Variants in MEF2C observed in about 807,000 individuals in gnomAD.
MEF2C encodes myocyte enhancer factor 2C.
In MEF2C, 6 loss-of-function variants were observed where a neutral mutation model predicts 50.5. The ratio of observed to expected loss-of-function variants is 0.12; its 90% CI spans 0.07 to 0.23. The LOEUF (loss-of-function observed/expected upper bound fraction) is 0.23, where lower values mean the gene tolerates loss of function less well. Ranked by LOEUF, MEF2C falls within the 10% of genes least tolerant of loss-of-function variation. The pLI, the probability that MEF2C is intolerant of heterozygous loss-of-function variation, is 1.00. For synonymous variants in MEF2C, 183 were observed against 228.0 expected (o/e 0.80, Z 1.78); for missense variants, 276 against 605.0 (o/e 0.46, Z 5.70).
chr5:88,829,993 T>C (rs544665391), intron 1 of MEF2C, among the ~76,000 whole-genome samples: 1 of 152,168 alleles, frequency 6.6e-6, no homozygotes, highest in Non-Finnish European at 1.5e-5. Flanking sequence ...TCCTATCATA[T>C]AGTAATGCTA....
intron 1 of MEF2C, among the ~76,000 whole-genome samples, chr5:88,852,210 C>A (rs1821615659): frequency 6.6e-6 from 1 of 152,098 alleles, no homozygotes; most frequent in South Asian, 2.1e-4. Flanking sequence ...AAAAACACAT[C>A]CTTTAACTAA....
At chr5:88,797,330 T>C (rs1796401035) in intron 3 of MEF2C, among the ~76,000 whole-genome samples, 1 of 152,144 alleles carries the variant, frequency 6.6e-6, no homozygotes, top group African/African-American at 2.4e-5. Flanking sequence ...GCCTATATAT[T>C]TAAGATAGTT....
At chr5:88,858,640 T>G (rs750493724) in intron 1 of MEF2C, among the ~76,000 whole-genome samples, 2 of 152,194 alleles carry the variant, frequency 1.3e-5, no homozygotes, top group South Asian at 4.1e-4. Context: ...CTCACTTACA[T>G]GCACACATCC....
chr5:88,898,008 C>G (rs1393226190), intron 1 of MEF2C, among the ~76,000 whole-genome samples: 1 of 152,150 alleles, frequency 6.6e-6, no homozygotes, highest in African/African-American at 2.4e-5. Context: ...GGTGGTTCTT[C>G]CATAGCACTT....
intron 4 of MEF2C, among the ~76,000 whole-genome samples, chr5:88,757,897 C>T (rs1044216917): frequency 1.1e-4 from 17 of 152,070 alleles, no homozygotes; most frequent in African/African-American, 3.9e-4. Flanking sequence ...TCCTGAGGCA[C>T]GGGGTGAGAC....
intron 1 of MEF2C, among the ~76,000 whole-genome samples, chr5:88,848,463 T>C (rs1377456269): frequency 6.6e-6 from 1 of 152,190 alleles, no homozygotes; most frequent in African/African-American, 2.4e-5. Flanking sequence ...TACATAGTAA[T>C]GATAATAGGC....
intron 1 of MEF2C, among the ~76,000 whole-genome samples, chr5:88,871,896 C>G (rs1475354689): frequency 6.6e-6 from 1 of 151,880 alleles, no homozygotes; most frequent in Non-Finnish European, 1.5e-5. Context: ...GCCCTCAAAT[C>G]TAGAGAAAAA....
intron 6 of MEF2C, among the ~76,000 whole-genome samples, chr5:88,745,411 G>A (rs1455136956): frequency 3.3e-5 from 5 of 152,246 alleles, no homozygotes; most frequent in African/African-American, 9.6e-5. Context: ...ATGACAAAGA[G>A]TGCTCAATAG....
intron 3 of MEF2C, among the ~76,000 whole-genome samples, chr5:88,769,703 G>A (rs141474895): frequency 0.01 from 1,559 of 152,252 alleles, 11 homozygotes; most frequent in Non-Finnish European, 0.017. Flanking sequence ...GGAGTGCAGC[G>A]GCATGATCTC....
chr5:88,819,379 C>T (rs1388244762), intron 2 of MEF2C: 3 of 985,084 alleles, frequency 3.0e-6, no homozygotes, highest in Non-Finnish European at 2.4e-6. Context: ...TAGAACTTAA[C>T]AGGACCTTCA....
intron 2 of MEF2C, chr5:88,819,282 T>A: frequency 1.1e-6 from 1 of 910,598 alleles, no homozygotes; most frequent in South Asian, 5.1e-5. Flanking sequence ...TTAAAAAGCA[T>A]AATTTGTTTC....
intron 6 of MEF2C, chr5:88,746,407 C>T: frequency 1.7e-6 from 1 of 573,072 alleles, no homozygotes; most frequent in Non-Finnish European, 2.2e-6. Context: ...GTTCAATTTA[C>T]TTCCTTGCCT....
intron 1 of MEF2C, among the ~76,000 whole-genome samples, chr5:88,831,314 G>C (rs1048032655): frequency 3.9e-5 from 6 of 151,934 alleles, no homozygotes; most frequent in Non-Finnish European, 8.8e-5. Context: ...GAGTTGTCTT[G>C]AGTATTATCA....
chr5:88,839,954 A>G (rs1456980409), intron 1 of MEF2C, among the ~76,000 whole-genome samples: 1 of 152,198 alleles, frequency 6.6e-6, no homozygotes. Flanking sequence ...TGCCATGTCA[A>G]AAAAGAGAAA....
chr5:88,794,315 T>G (rs184403585), intron 3 of MEF2C, among the ~76,000 whole-genome samples: 32 of 152,358 alleles, frequency 2.1e-4, no homozygotes, highest in Non-Finnish European at 4.1e-4. Context: ...TGTTGTTTCC[T>G]GACTTTTTAA....
chr5:88,866,910 A>G (rs1441332466), intron 1 of MEF2C, among the ~76,000 whole-genome samples: 4 of 152,236 alleles, frequency 2.6e-5, no homozygotes, highest in Non-Finnish European at 4.4e-5. Context: ...TTGAATTAAA[A>G]CCATATAAAT....
intron 1 of MEF2C, among the ~76,000 whole-genome samples, chr5:88,903,169 A>C (rs1392210512): frequency 6.6e-6 from 1 of 151,814 alleles, no homozygotes; most frequent in Non-Finnish European, 1.5e-5. Context: ...TAACAAAATA[A>C]AAATAAAAAA....
At chr5:88,808,679 G>A (rs1019716617) in intron 2 of MEF2C, among the ~76,000 whole-genome samples, 40 of 151,914 alleles carry the variant, frequency 2.6e-4, no homozygotes, top group African/African-American at 9.4e-4. Context: ...ATTCTTCATA[G>A]CATTCTCAAA....
intron 5 of MEF2C, 79 bp downstream of exon 5, chr5:88,751,778 G>C (rs954018304): frequency 1.4e-6 from 2 of 1,429,984 alleles, no homozygotes. Context: ...AAAACATCTC[G>C]TAGATAAAGC....
Sources: gnomAD v4.1 joint callset for allele counts (sites outside exome capture counted in the v4.1 genomes callset) on GRCh38, gnomAD v4.1.1 for gene constraint, MANE v1.5 for transcripts, NCBI Gene and HGNC (gene_info 2026-07-23, HGNC 2026-07-21) for gene names.